MISFA: variants seen among roughly 807,000 people sequenced by gnomAD.
MISFA encodes mitochondrial sheath formation-associated protein.
chr11:18,606,275 T>G, the MISFA span: 1 of 161,346 alleles, frequency 6.2e-6, no homozygotes, highest in South Asian at 1.8e-4. Context: ...GAGGAGTGTG[T>G]GCAATAGGCA....
chr11:18,609,808 G>A, the MISFA span: 4 of 1,553,478 alleles, frequency 2.6e-6, no homozygotes, highest in African/African-American at 4.1e-5. Context: ...TCTGAAGGCA[G>A]GAAATCCTTG....
chr11:18,608,327 G>A, the MISFA span: 2 of 152,546 alleles, frequency 1.3e-5, no homozygotes, highest in South Asian at 2.1e-4. Flanking sequence ...CATTAAGGGA[G>A]GCTAACAATG....
chr11:18,604,533 C>T, the MISFA span, among the ~76,000 whole-genome samples: 8 of 151,396 alleles, frequency 5.3e-5, no homozygotes, highest in South Asian at 2.1e-4. Flanking sequence ...TGTGGTGGCA[C>T]GTCTGTAGTC....
the MISFA span, chr11:18,602,224 T>C: frequency 2.0e-5 from 3 of 152,342 alleles, no homozygotes; most frequent in Admixed American, 6.5e-5. Context: ...CTGTTTTTTT[T>C]CAGAGCTGTG....
At chr11:18,604,418 G>T in the MISFA span, among the ~76,000 whole-genome samples, 1 of 151,868 alleles carries the variant, frequency 6.6e-6, no homozygotes, top group East Asian at 2.0e-4. Flanking sequence ...CACTTTGGGA[G>T]GCCAACACAG....
the MISFA span, chr11:18,604,001 A>G: frequency 3.5e-6 from 1 of 283,502 alleles, no homozygotes; most frequent in Non-Finnish European, 6.0e-6. Context: ...ATCTCGGCTC[A>G]CTGCAAGCTC....
chr11:18,606,991 G>A, the MISFA span: 3 of 288,872 alleles, frequency 1.0e-5, no homozygotes, highest in African/African-American at 4.7e-5. Context: ...CTCCCCGGTA[G>A]CTGGGATTAC....
chr11:18,608,949 G>A, the MISFA span: 1 of 149,754 alleles, frequency 6.7e-6, no homozygotes, highest in East Asian at 1.9e-4. Context: ...GAGGTATGAG[G>A]GCACCTTGGG....
chr11:18,603,902 TAAG>T, the MISFA span: 4 of 359,646 alleles, frequency 1.1e-5, no homozygotes, highest in Non-Finnish European at 1.9e-5. Flanking sequence ...TATTTTATGT[TAAG>T]AAGTTACCGC....
the MISFA span, chr11:18,599,888 C>G: frequency 2.5e-6 from 1 of 398,750 alleles, no homozygotes; most frequent in Non-Finnish European, 4.4e-6. Flanking sequence ...AATAGTCTTT[C>G]ACTGTGCAAT....
the MISFA span, chr11:18,603,089 G>A: frequency 1.0e-3 from 398 of 398,980 alleles, no homozygotes; most frequent in Admixed American, 2.4e-3. Flanking sequence ...TTGTTTCTTC[G>A]TGGGTACACC....
At chr11:18,601,699 C>G in the MISFA span, 787 of 395,042 alleles carry the variant, frequency 2.0e-3, 2 homozygotes, top group Non-Finnish European at 3.0e-3. Flanking sequence ...CATAAACCAC[C>G]GTGCCTTGCC....
At chr11:18,603,870 G>C in the MISFA span, 2 of 263,182 alleles carry the variant, frequency 7.6e-6, no homozygotes. Flanking sequence ...TTCACATAAA[G>C]TAATTGCACA....
chr11:18,602,398 A>G, the MISFA span: 6,413 of 152,766 alleles, frequency 0.042, 190 homozygotes, highest in Non-Finnish European at 0.054. Flanking sequence ...CATCTGCCCC[A>G]GGATTTCTGT....
the MISFA span, chr11:18,599,871 C>G: frequency 5.0e-6 from 2 of 398,720 alleles, no homozygotes; most frequent in Non-Finnish European, 8.9e-6. Context: ...TTGCCAAGAT[C>G]TTGGTGAATA....
chr11:18,606,994 G>T, the MISFA span: 1 of 284,108 alleles, frequency 3.5e-6, no homozygotes, highest in African/African-American at 2.4e-5. Context: ...CCCGGTAGCT[G>T]GGATTACAGG....
At chr11:18,603,002 G>A in the MISFA span, 1 of 396,346 alleles carries the variant, frequency 2.5e-6, no homozygotes, top group East Asian at 3.6e-5. Flanking sequence ...TCCTTAGTGA[G>A]GAGCTGCCAT....
the MISFA span, chr11:18,603,065 C>T: frequency 2.5e-6 from 1 of 398,784 alleles, no homozygotes. Context: ...GAACACTGCA[C>T]CTTCCAGAAG....
the MISFA span, among the ~76,000 whole-genome samples, chr11:18,605,117 C>T: frequency 1.3e-5 from 2 of 151,946 alleles, no homozygotes; most frequent in African/African-American, 2.4e-5. Flanking sequence ...GTGGTGGGCA[C>T]CAGTAATCCT....
Sources: gnomAD v4.1 joint callset for allele counts (sites outside exome capture counted in the v4.1 genomes callset) on GRCh38, gnomAD v4.1.1 for gene constraint, MANE v1.5 for transcripts, NCBI Gene and HGNC (gene_info 2026-07-23, HGNC 2026-07-21) for gene names.